ASIC2: variants seen among roughly 807,000 people sequenced by gnomAD.
The protein encoded by ASIC2 is acid sensing ion channel subunit 2.
A neutral mutation model predicts 57.3 loss-of-function variants in ASIC2; 25 were observed. That is an observed-to-expected ratio of 0.44 (90% CI 0.32 to 0.61). ASIC2 has a LOEUF of 0.61. Among genes scored for constraint, ASIC2 ranks in the 20% least tolerant of loss-of-function variants. The pLI is 0.06. For missense variants in ASIC2, 641 were observed against 738.1 expected, an observed-to-expected ratio of 0.87 and a Z score of 1.52; for synonymous variants, 319 against 307.5, an observed-to-expected ratio of 1.04 and a Z score of -0.39.
At chr17:33,673,970 T>C (rs1907726692) in intron 1 of ASIC2, among the ~76,000 whole-genome samples, 1 of 151,488 alleles carries the variant, frequency 6.6e-6, no homozygotes, top group Non-Finnish European at 1.5e-5. Context: ...CTCGGCTCAG[T>C]GCAAGCTCCG....
intron 1 of ASIC2, among the ~76,000 whole-genome samples, chr17:33,994,524 G>A (rs4456545): frequency 3.7e-3 from 559 of 152,306 alleles, no homozygotes; most frequent in African/African-American, 0.013. Flanking sequence ...TTCCCTAAGT[G>A]AGCCAGACCC....
At chr17:33,418,077 T>TGC (rs1249524643) in intron 1 of ASIC2, among the ~76,000 whole-genome samples, 42 of 151,176 alleles carry the variant, frequency 2.8e-4, no homozygotes, top group African/African-American at 9.5e-4. Context: ...TGTGTGTGTG[T>TGC]GCAGCCATGC....
At chr17:33,542,848 T>C (rs1915460131) in intron 1 of ASIC2, among the ~76,000 whole-genome samples, 1 of 150,360 alleles carries the variant, frequency 6.7e-6, no homozygotes, top group Admixed American at 6.6e-5. Context: ...TGGTAATGCC[T>C]AGGTTTTCTT....
chr17:33,633,081 A>C (rs761696900), intron 1 of ASIC2, among the ~76,000 whole-genome samples: 10 of 152,262 alleles, frequency 6.6e-5, no homozygotes, highest in Middle Eastern at 3.4e-3. Flanking sequence ...GGCTGAGTGA[A>C]GGCAACATGA....
At chr17:33,625,205 A>T (rs545328389) in intron 1 of ASIC2, among the ~76,000 whole-genome samples, 1 of 130,656 alleles carries the variant, frequency 7.7e-6, no homozygotes, top group African/African-American at 2.8e-5. Context: ...TCTGTCATCT[A>T]TCTATCTATC....
chr17:33,836,030 A>T (rs1348260039), intron 1 of ASIC2, among the ~76,000 whole-genome samples: 3 of 150,446 alleles, frequency 2.0e-5, no homozygotes, highest in Non-Finnish European at 4.4e-5. Flanking sequence ...TATGTATCCT[A>T]CACACATGAA....
chr17:33,595,707 A>T (rs12451653), intron 1 of ASIC2, among the ~76,000 whole-genome samples: 70,515 of 152,142 alleles, frequency 0.46, 16,542 homozygotes, highest in South Asian at 0.56. Flanking sequence ...TTCATCTGTA[A>T]AAATGGAATA....
At chr17:33,739,663 C>T (rs907619625) in intron 1 of ASIC2, among the ~76,000 whole-genome samples, 17 of 152,086 alleles carry the variant, frequency 1.1e-4, no homozygotes, top group Non-Finnish European at 2.1e-4. Flanking sequence ...GTGAGTATCA[C>T]TGTGGTAGAC....
chr17:34,096,736 A>G (rs950450687), intron 1 of ASIC2, among the ~76,000 whole-genome samples: 3 of 151,874 alleles, frequency 2.0e-5, no homozygotes, highest in Non-Finnish European at 4.4e-5. Flanking sequence ...AGGCGCCTGT[A>G]GTCCCAGCTA....
chr17:33,579,750 G>A (rs879547094), intron 1 of ASIC2, among the ~76,000 whole-genome samples: 2 of 152,176 alleles, frequency 1.3e-5, no homozygotes, highest in Non-Finnish European at 2.9e-5. Context: ...ACACTAAACA[G>A]CAGCAAAACT....
rs192901043 is a variant in ASIC2, at chr17:33,314,084, A to G, written c.556-202017T>C. Among the ~76,000 whole-genome samples, 3 of 152,242 alleles carry G rather than the reference A, an allele frequency of 2.0e-5. No homozygotes were observed. The East Asian group carries it at 5.8e-4, about 30-fold the overall frequency. On this transcript the variant is annotated intron_variant, in intron 1 of 9. Coordinates refer to the ASIC2 transcript ENST00000359872. The stretch of plus-strand genomic sequence containing the variant: ...GGCACTATCACAGAGAGGAAAAGCA[A>G]TGGGGTCTGGAGCTAGAGACGTGGG...
chr17:33,893,220 C>G (rs970615787), intron 1 of ASIC2, among the ~76,000 whole-genome samples: 2 of 152,208 alleles, frequency 1.3e-5, no homozygotes, highest in Non-Finnish European at 2.9e-5. Context: ...CCTGAGGGAG[C>G]TGTTTCCAGG....
intron 1 of ASIC2, among the ~76,000 whole-genome samples, chr17:33,164,863 A>G (rs1489056137): frequency 2.0e-5 from 3 of 152,116 alleles, no homozygotes. Context: ...TCACTTGGCC[A>G]TACCTTCTCT....
chr17:34,123,537 C>G (rs1346249984), intron 1 of ASIC2, among the ~76,000 whole-genome samples: 1 of 152,190 alleles, frequency 6.6e-6, no homozygotes, highest in Non-Finnish European at 1.5e-5. Flanking sequence ...TTGCTTTCCA[C>G]CTCTGAGTCA....
intron 1 of ASIC2, among the ~76,000 whole-genome samples, chr17:33,800,736 ATT>A (rs1173058657): frequency 1.3e-5 from 2 of 152,206 alleles, no homozygotes; most frequent in Non-Finnish European, 2.9e-5. Context: ...TGGACACAGT[ATT>A]ATAGTGATAG....
chr17:33,474,043 G>T (rs945875661), intron 1 of ASIC2, among the ~76,000 whole-genome samples: 1 of 152,232 alleles, frequency 6.6e-6, no homozygotes, highest in African/African-American at 2.4e-5. Context: ...ATGGAGGACA[G>T]GACTTTGAGT....
rs558218198 is a variant in ASIC2 at position 33,605,264 on chromosome 17, C to T, written c.556-493197G>A. On this transcript the variant is annotated intron_variant, in intron 1 of 9. Transcript: ENST00000359872. Reference sequence around the variant, plus strand: ...GTGCAGAAGCGGGTCTCTGCTGCAGCGGGGAGCCCAGGAAGGAAGACCCGT... The same window carrying T: ...GTGCAGAAGCGGGTCTCTGCTGCAGTGGGGAGCCCAGGAAGGAAGACCCGT... Among the ~76,000 whole-genome samples the T allele has an allele frequency of 5.9e-5, 9 of 152,318 alleles. 1 individual carries two copies. The highest frequency in any genetic ancestry group is 1.9e-4 in the African/African-American group (8 of 41,570).
At chr17:33,587,138 T>C (rs1185097374) in intron 1 of ASIC2, among the ~76,000 whole-genome samples, 2 of 152,230 alleles carry the variant, frequency 1.3e-5, no homozygotes, top group Non-Finnish European at 2.9e-5. Flanking sequence ...TGATTATGTA[T>C]TGTCTGTGGC....
At chr17:33,088,817 C>G in intron 3 of ASIC2, 46 bp downstream of exon 3, 1 of 1,556,436 alleles carries the variant, frequency 6.4e-7, no homozygotes. Context: ...TGCAGGGGGT[C>G]GGGGGAGGCT....
Sources: allele counts gnomAD v4.1 joint callset (sites outside exome capture counted in the v4.1 genomes callset), GRCh38; gene constraint gnomAD v4.1.1; transcripts MANE v1.5; gene names NCBI Gene and HGNC (gene_info 2026-07-23, HGNC 2026-07-21).